Variants in SMYD3 observed in about 807,000 individuals in gnomAD.
SMYD3 encodes histone-lysine N-methyltransferase SMYD3.
Under a neutral mutation model 57.7 loss-of-function variants are expected in SMYD3, and 36 were observed. The observed-to-expected ratio is 0.62, with a 90% CI of 0.48 to 0.82. The LOEUF (loss-of-function observed/expected upper bound fraction) is 0.82, where lower values mean the gene tolerates loss of function less well. Among genes scored for constraint, SMYD3 ranks in the 40% least tolerant of loss-of-function variants. The pLI, the probability that SMYD3 is intolerant of heterozygous loss-of-function variation, is 0.00. For synonymous variants in SMYD3, 211 were observed against 195.0 expected (o/e 1.08, Z -0.68); for missense variants, 515 against 538.8 (o/e 0.96, Z 0.44).
chr1:246,029,338 T>C (rs1323582523), intron 5 of SMYD3, among the ~76,000 whole-genome samples: 3 of 151,910 alleles, frequency 2.0e-5, no homozygotes, highest in Non-Finnish European at 2.9e-5. Flanking sequence ...TATAATCCAG[T>C]TAAAAAGTGG....
intron 5 of SMYD3, among the ~76,000 whole-genome samples, chr1:246,299,735 T>C (rs985568483): frequency 6.6e-6 from 1 of 151,918 alleles, no homozygotes; most frequent in Admixed American, 6.6e-5. Context: ...TAACATAGAA[T>C]AGAAAACCAA....
At chr1:246,022,991 T>C (rs2059499462) in intron 5 of SMYD3, among the ~76,000 whole-genome samples, 1 of 152,216 alleles carries the variant, frequency 6.6e-6, no homozygotes. Flanking sequence ...TGAGATCACT[T>C]GTTAGACTGT....
rs1002418981 is a variant in SMYD3 at position 246,265,306 on chromosome 1, A to T, written c.531+61895T>A. ...GCCAACATACCCAGCTAATTTTTGTATTTTTTTTTTTTGTAATAGACAGGG... is the reference window on the plus strand; with the variant it reads ...GCCAACATACCCAGCTAATTTTTGTTTTTTTTTTTTTTGTAATAGACAGGG... On this transcript the variant is annotated intron_variant, in intron 5 of 11. Coordinates refer to ENST00000490107, the MANE Select transcript of SMYD3 (RefSeq NM_001167740.2). 2.3e-3 allele frequency among the ~76,000 whole-genome samples: 339 copies of T among 148,264 alleles called. 3 individuals are homozygous for T. Among genetic ancestry groups the T allele is most frequent in the African/African-American group, 8.3e-3 (333 of 40,132 alleles).
At chr1:246,410,920 T>C (rs912855246) in intron 1 of SMYD3, among the ~76,000 whole-genome samples, 6 of 152,264 alleles carry the variant, frequency 3.9e-5, no homozygotes, top group African/African-American at 1.4e-4. Flanking sequence ...TGTCGAGCAA[T>C]TTATCCATTT....
chr1:246,215,348 C>T (rs2063148772), intron 5 of SMYD3, among the ~76,000 whole-genome samples: 1 of 152,038 alleles, frequency 6.6e-6, no homozygotes, highest in Non-Finnish European at 1.5e-5. Flanking sequence ...AACACACACA[C>T]GCTGGGGCTT....
At chr1:246,075,316 G>A (rs1439524579) in intron 5 of SMYD3, among the ~76,000 whole-genome samples, 3 of 152,144 alleles carry the variant, frequency 2.0e-5, no homozygotes, top group South Asian at 2.1e-4. Context: ...CCAGAGAGAC[G>A]GCAGTGATAA....
intron 5 of SMYD3, among the ~76,000 whole-genome samples, chr1:246,239,567 T>TTA (rs2063570296): frequency 1.3e-5 from 2 of 152,358 alleles, no homozygotes; most frequent in African/African-American, 4.8e-5. Context: ...GCATGTGTCT[T>TTA]TATAGCAGCA....
intron 5 of SMYD3, among the ~76,000 whole-genome samples, chr1:245,985,279 T>C (rs2058680221): frequency 6.6e-6 from 1 of 152,178 alleles, no homozygotes; most frequent in Non-Finnish European, 1.5e-5. Flanking sequence ...TCACCTATAA[T>C]CTATATCCTA....
chr1:246,462,089 C>A (rs2067806231), intron 1 of SMYD3, among the ~76,000 whole-genome samples: 1 of 152,152 alleles, frequency 6.6e-6, no homozygotes, highest in Admixed American at 6.6e-5. Flanking sequence ...AGGAGGCATC[C>A]AGGTGAAGGT....
chr1:246,313,971 G>T (rs1011721668), intron 5 of SMYD3, among the ~76,000 whole-genome samples: 4 of 152,124 alleles, frequency 2.6e-5, no homozygotes, highest in Non-Finnish European at 5.9e-5. Flanking sequence ...GTAGAATGCA[G>T]ATTTCAAAAG....
At chr1:245,991,293 T>C (rs1321101470) in intron 5 of SMYD3, among the ~76,000 whole-genome samples, 1 of 152,168 alleles carries the variant, frequency 6.6e-6, no homozygotes, top group African/African-American at 2.4e-5. Flanking sequence ...CATTAGTTCA[T>C]TAATGGTAAA....
chr1:246,367,477 C>T (rs2066125572), intron 1 of SMYD3, among the ~76,000 whole-genome samples: 3 of 152,282 alleles, frequency 2.0e-5, no homozygotes, highest in South Asian at 2.1e-4. Flanking sequence ...TCTAAAAAGT[C>T]GATCCAGAAC....
chr1:245,947,348 C>G (rs575398425), intron 5 of SMYD3: 15 of 456,684 alleles, frequency 3.3e-5, no homozygotes, highest in Non-Finnish European at 5.7e-5. Context: ...AATTCATACA[C>G]GGCACAACCA....
intron 5 of SMYD3, among the ~76,000 whole-genome samples, chr1:246,221,509 C>G (rs74227134): frequency 1.3e-5 from 2 of 152,150 alleles, no homozygotes; most frequent in Non-Finnish European, 2.9e-5. Context: ...GACCTGGGAG[C>G]TCCCTGAGCC....
At chr1:245,749,725 C>A in intron 11 of SMYD3, 61 bp from the exon 12 acceptor site, 1 of 1,323,996 alleles carries the variant, frequency 7.6e-7, no homozygotes, top group Non-Finnish European at 1.1e-6. Flanking sequence ...GGCCATTCCC[C>A]ACCTTTACCC....
rs1487689271 is a variant in SMYD3, at chr1:245,775,362, T to C, written c.1077-11213A>G. On this transcript the variant is annotated intron_variant, in intron 10 of 11. Coordinates refer to ENST00000490107, the MANE Select transcript of SMYD3 (RefSeq NM_001167740.2). ...ACATGGGAGACTCCAGTTTGTTCTGTACTAAGAAAAATTCTTCTGCCTTGG... is the reference window on the plus strand; with the variant it reads ...ACATGGGAGACTCCAGTTTGTTCTGCACTAAGAAAAATTCTTCTGCCTTGG... 2.6e-5 allele frequency among the ~76,000 whole-genome samples: 4 copies of C among 152,306 alleles called. No individual in the cohort carries two copies. In the South Asian group the frequency reaches 6.2e-4, roughly 24 times the overall value.
intron 10 of SMYD3, among the ~76,000 whole-genome samples, chr1:245,846,489 G>A (rs2050673124): frequency 6.6e-6 from 1 of 152,234 alleles, no homozygotes; most frequent in South Asian, 2.1e-4. Context: ...GGTTCAGGCT[G>A]ACTCAAATGC....
intron 1 of SMYD3, 65 bp downstream of exon 1, chr1:246,506,989 G>GCCCCCCCCCCCCCCGCC: frequency 1.5e-6 from 1 of 649,324 alleles, no homozygotes. Context: ...GCCGCCCGAC[G>GCCCCCCCCCCCCCCGCC]CCCCCCCCTC....
chr1:245,930,183 G>A (rs1229241620), intron 5 of SMYD3: 22 of 538,958 alleles, frequency 4.1e-5, no homozygotes, highest in Admixed American at 1.5e-4. Context: ...AAAAACAGAC[G>A]GAAACCAGCA....
Sources: gnomAD v4.1 joint callset for allele counts (sites outside exome capture counted in the v4.1 genomes callset) on GRCh38, gnomAD v4.1.1 for gene constraint, MANE v1.5 for transcripts, NCBI Gene and HGNC (gene_info 2026-07-23, HGNC 2026-07-21) for gene names.